The following ARMC9 variants were observed in gnomAD, a reference collection of about 807,000 sequenced individuals.
The protein encoded by ARMC9 is armadillo repeat containing 9, also known as lisH domain-containing protein ARMC9.
In ARMC9, 94 loss-of-function variants were observed where a neutral mutation model predicts 107.0. That is an observed-to-expected ratio of 0.88 (90% CI 0.74 to 1.04). ARMC9 has a LOEUF of 1.04. Among genes scored for constraint, ARMC9 ranks in the 50% least tolerant of loss-of-function variants. ARMC9 has a pLI of 0.00. For synonymous variants in ARMC9, 380 were observed against 396.9 expected (o/e 0.96, Z 0.51); for missense variants, 942 against 1,030.1 (o/e 0.91, Z 1.17).
rs551546348 is a variant in ARMC9, at chr2:231,270,225, C to T, written c.1120-757C>T. Among the ~76,000 whole-genome samples the T allele has an allele frequency of 3.7e-3, 558 of 152,232 alleles. 9 individuals carry two copies. Among genetic ancestry groups the T allele is most frequent in the South Asian group, 0.022 (104 of 4,824 alleles). On this transcript the variant is annotated intron_variant, in intron 12 of 24. Coordinates refer to ENST00000611582, the MANE Select transcript of ARMC9 (RefSeq NM_001352754.2). ...CATTCTGCATTTAGACACTAACCCC[C>T]CTCTCCATTTTGTTCTAGAACCCCG... is the stretch of plus-strand genomic sequence containing the variant.
intron 1 of ARMC9, among the ~76,000 whole-genome samples, chr2:231,204,737 C>G (rs1452277192): frequency 3.3e-5 from 5 of 151,966 alleles, no homozygotes; most frequent in African/African-American, 9.7e-5. Flanking sequence ...GACAGTTAGG[C>G]AGAGACCTGA....
At chr2:231,312,597 A>AC (rs1338180388) in intron 19 of ARMC9, among the ~76,000 whole-genome samples, 3 of 145,622 alleles carry the variant, frequency 2.1e-5, no homozygotes, top group African/African-American at 7.6e-5. Flanking sequence ...AGTTTCACAC[A>AC]CTTTTTTTTT....
At chr2:231,228,269 A>G (rs79554256) in intron 7 of ARMC9, among the ~76,000 whole-genome samples, 51 of 152,352 alleles carry the variant, frequency 3.3e-4, no homozygotes, top group Non-Finnish European at 7.3e-4. Flanking sequence ...CAAAACAATG[A>G]CATTCACTTA....
At chr2:231,353,990 C>T (rs1024278399) in intron 21 of ARMC9, among the ~76,000 whole-genome samples, 12 of 116,126 alleles carry the variant, frequency 1.0e-4, no homozygotes, top group African/African-American at 7.4e-4. Context: ...TACACACACA[C>T]ACACACACAC....
chr2:231,303,664 G>C (rs551060347), intron 19 of ARMC9, among the ~76,000 whole-genome samples: 2 of 152,148 alleles, frequency 1.3e-5, no homozygotes. Context: ...CAGACCAGGT[G>C]CGGTGGCTCA....
intron 1 of ARMC9, among the ~76,000 whole-genome samples, chr2:231,203,507 G>A (rs1020194035): frequency 2.0e-5 from 3 of 152,116 alleles, no homozygotes; most frequent in African/African-American, 7.2e-5. Flanking sequence ...CTCCCCTCCA[G>A]TCTTCTCTGT....
intron 19 of ARMC9, among the ~76,000 whole-genome samples, chr2:231,306,851 G>A (rs537774017): frequency 1.9e-4 from 29 of 152,248 alleles, no homozygotes; most frequent in Non-Finnish European, 3.7e-4. Context: ...TGAACAACAG[G>A]GGAAGCGACA....
chr2:231,278,531 G>A (rs2039955248), intron 16 of ARMC9, 73 bp downstream of exon 16: 1 of 1,353,592 alleles, frequency 7.4e-7, no homozygotes, highest in Non-Finnish European at 1.1e-6. Flanking sequence ...GACCCCACAG[G>A]CACACAGCTG....
At chr2:231,275,823 C>T (rs1003504533) in intron 14 of ARMC9, among the ~76,000 whole-genome samples, 17 of 152,274 alleles carry the variant, frequency 1.1e-4, no homozygotes, top group African/African-American at 4.1e-4. Context: ...TGTGGTGGCG[C>T]ATGCCTGTAA....
intron 14 of ARMC9, among the ~76,000 whole-genome samples, chr2:231,275,648 C>A (rs7596178): frequency 0.13 from 19,255 of 152,106 alleles, 2,962 homozygotes; most frequent in African/African-American, 0.36. Flanking sequence ...GATTATAGAG[C>A]GTTTAGGTAA....
chr2:231,201,356 TC>T (rs769794150), intron 1 of ARMC9, among the ~76,000 whole-genome samples: 1 of 152,216 alleles, frequency 6.6e-6, no homozygotes, highest in Admixed American at 6.5e-5. Context: ...TCTCTCCAGT[TC>T]CCTTGGAGCC....
At chr2:231,303,903 T>C (rs1397179275) in intron 19 of ARMC9, among the ~76,000 whole-genome samples, 2 of 152,102 alleles carry the variant, frequency 1.3e-5, no homozygotes, top group African/African-American at 4.8e-5. Context: ...GCTACTGCAC[T>C]CCAGACTGGG....
chr2:231,282,573 A>G (rs2040295518), intron 17 of ARMC9, among the ~76,000 whole-genome samples: 1 of 152,232 alleles, frequency 6.6e-6, no homozygotes, highest in Non-Finnish European at 1.5e-5. Flanking sequence ...TCTAGATCTA[A>G]TCAGGAAAAC....
chr2:231,214,801 G>A (rs769688333), intron 3 of ARMC9, 30 bp from the exon 4 acceptor site: 23 of 1,602,068 alleles, frequency 1.4e-5, no homozygotes, highest in East Asian at 2.2e-5. Flanking sequence ...AATTTACAAC[G>A]AGGTATGTAG....
At chr2:231,225,859 A>AT (rs2034592325) in intron 6 of ARMC9, among the ~76,000 whole-genome samples, 2 of 152,102 alleles carry the variant, frequency 1.3e-5, no homozygotes, top group Admixed American at 1.3e-4. Flanking sequence ...TTGATTGATG[A>AT]TTGATTGATT....
chr2:231,224,736 A>G (rs945618285), intron 6 of ARMC9, among the ~76,000 whole-genome samples: 37 of 152,220 alleles, frequency 2.4e-4, no homozygotes, highest in Non-Finnish European at 5.0e-4. Flanking sequence ...AGCTTCTACT[A>G]TGAGTCAAAT....
intron 11 of ARMC9, 112 bp downstream of exon 11, chr2:231,259,214 G>A (rs1451374281): frequency 1.7e-5 from 16 of 916,242 alleles, no homozygotes; most frequent in South Asian, 7.0e-5. Flanking sequence ...TTTCTTCCCC[G>A]CTGTCTGCTG....
chr2:231,368,072 C>G (rs957892308), intron 23 of ARMC9, among the ~76,000 whole-genome samples: 4 of 151,732 alleles, frequency 2.6e-5, no homozygotes, highest in Admixed American at 2.0e-4. Flanking sequence ...AAATTTGAAC[C>G]AAATAATTTT....
intron 19 of ARMC9, 143 bp downstream of exon 19, chr2:231,296,396 A>C: frequency 1.3e-6 from 1 of 774,904 alleles, no homozygotes; most frequent in Non-Finnish European, 2.1e-6. Context: ...GCTAAAGCTC[A>C]GCTGGGTGGT....
Sources: gnomAD v4.1 joint callset for allele counts (sites outside exome capture counted in the v4.1 genomes callset) on GRCh38, gnomAD v4.1.1 for gene constraint, MANE v1.5 for transcripts, NCBI Gene and HGNC (gene_info 2026-07-23, HGNC 2026-07-21) for gene names.